The following GALNTL6 variants were observed in gnomAD, a reference collection of about 807,000 sequenced individuals.
GALNTL6 encodes the protein polypeptide N-acetylgalactosaminyltransferase like 6.
In GALNTL6, 46 loss-of-function variants were observed where a neutral mutation model predicts 73.7. The ratio of observed to expected loss-of-function variants is 0.62; its 90% CI spans 0.49 to 0.80. The LOEUF (loss-of-function observed/expected upper bound fraction) is 0.80, where lower values mean the gene tolerates loss of function less well. GALNTL6 is among the 30% of genes least tolerant of loss of function. The probability of loss-of-function intolerance (pLI) is 0.00; values close to 1 mark genes in which losing one functional copy is unlikely to be tolerated. For missense variants in GALNTL6, 604 were observed against 755.0 expected, an observed-to-expected ratio of 0.80 and a Z score of 2.34; for synonymous variants, 259 against 263.7, an observed-to-expected ratio of 0.98 and a Z score of 0.17.
At chr4:172,243,026 T>C (rs1006857427) in intron 3 of GALNTL6, among the ~76,000 whole-genome samples, 3 of 152,234 alleles carry the variant, frequency 2.0e-5, no homozygotes, top group African/African-American at 7.2e-5. Context: ...CAAAAATAAA[T>C]CCAACTTTAT....
chr4:172,640,817 A>G (rs373720537), intron 5 of GALNTL6, among the ~76,000 whole-genome samples: 1 of 152,084 alleles, frequency 6.6e-6, no homozygotes, highest in African/African-American at 2.4e-5. Context: ...TTTGGGGAAG[A>G]CACAATTCAG....
At chr4:172,909,435 C>T (rs185696850) in intron 8 of GALNTL6, among the ~76,000 whole-genome samples, 11 of 151,718 alleles carry the variant, frequency 7.3e-5, no homozygotes, top group African/African-American at 2.2e-4. Flanking sequence ...TCATAAATAA[C>T]GATCTCTCAT....
chr4:172,831,090 G>A (rs973526241), intron 7 of GALNTL6, among the ~76,000 whole-genome samples: 3 of 140,820 alleles, frequency 2.1e-5, no homozygotes, highest in East Asian at 2.2e-4. Context: ...CCCAGGAGGC[G>A]GAGGTTGCAG....
At chr4:172,174,324 G>A (rs1026641835) in intron 2 of GALNTL6, among the ~76,000 whole-genome samples, 3 of 152,090 alleles carry the variant, frequency 2.0e-5, no homozygotes, top group Admixed American at 6.5e-5. Flanking sequence ...TATGTATAGC[G>A]GTGTCATTTA....
intron 2 of GALNTL6, among the ~76,000 whole-genome samples, chr4:171,907,798 T>C (rs1180772999): frequency 6.6e-6 from 1 of 151,482 alleles, no homozygotes; most frequent in African/African-American, 2.4e-5. Flanking sequence ...AAAACAGAGA[T>C]ATAGATCAAT....
intron 2 of GALNTL6, among the ~76,000 whole-genome samples, chr4:171,844,132 C>A (rs868563789): frequency 4.1e-4 from 62 of 152,222 alleles, no homozygotes; most frequent in Middle Eastern, 6.8e-3. Flanking sequence ...ATTAATATTT[C>A]TTAATGTTAC....
At chr4:172,489,416 G>T (rs537347778) in intron 5 of GALNTL6, among the ~76,000 whole-genome samples, 1 of 152,152 alleles carries the variant, frequency 6.6e-6, no homozygotes, top group Non-Finnish European at 1.5e-5. Context: ...ATTGATTTAC[G>T]CATGTGTATG....
intron 7 of GALNTL6, among the ~76,000 whole-genome samples, chr4:172,822,208 G>A (rs1238126907): frequency 1.3e-5 from 2 of 152,116 alleles, no homozygotes; most frequent in Non-Finnish European, 2.9e-5. Flanking sequence ...CTTTTCTTCA[G>A]TTTGTCTTGG....
intron 5 of GALNTL6, among the ~76,000 whole-genome samples, chr4:172,429,857 A>G (rs1283058586): frequency 1.3e-5 from 2 of 152,180 alleles, no homozygotes; most frequent in Admixed American, 1.3e-4. Flanking sequence ...TTTAAAATGT[A>G]TGATGAATAA....
chr4:172,629,156 T>C (rs1400665063), intron 5 of GALNTL6, among the ~76,000 whole-genome samples: 2 of 152,200 alleles, frequency 1.3e-5, no homozygotes, highest in African/African-American at 4.8e-5. Context: ...TTTGTGTATG[T>C]CTCTGTGTGT....
chr4:172,102,202 C>T (rs1732538719), intron 2 of GALNTL6, among the ~76,000 whole-genome samples: 5 of 152,186 alleles, frequency 3.3e-5, no homozygotes, highest in Admixed American at 2.0e-4. Context: ...TAAATTTATT[C>T]GAATGTAATT....
At chr4:173,027,673 T>C (rs1359922274) in intron 12 of GALNTL6, among the ~76,000 whole-genome samples, 1 of 152,228 alleles carries the variant, frequency 6.6e-6, no homozygotes, top group African/African-American at 2.4e-5. Context: ...ATCATGTTTT[T>C]CAACCTTTTA....
chr4:172,018,808 T>C (rs748454576), intron 2 of GALNTL6, among the ~76,000 whole-genome samples: 22 of 152,152 alleles, frequency 1.4e-4, no homozygotes, highest in Non-Finnish European at 4.4e-5. Flanking sequence ...TTTCACCCTG[T>C]GACCCCTACT....
At chr4:173,039,002 A>C (rs1294676532) in intron 12 of GALNTL6, among the ~76,000 whole-genome samples, 2 of 152,188 alleles carry the variant, frequency 1.3e-5, no homozygotes, top group African/African-American at 2.4e-5. Flanking sequence ...TAGAGGTAAA[A>C]TTTATTACTA....
chr4:172,411,054 A>G (rs965340379), intron 5 of GALNTL6, among the ~76,000 whole-genome samples: 1 of 152,142 alleles, frequency 6.6e-6, no homozygotes, highest in Non-Finnish European at 1.5e-5. Flanking sequence ...TTTCTGATTA[A>G]ATGAACTATG....
In GALNTL6 at chr4:172,571,817, A is replaced by G. The variant is rs75636612; in HGVS notation, c.553+223128A>G. On this transcript the variant is annotated intron_variant, in intron 5 of 12. Coordinates refer to ENST00000506823, the MANE Select transcript of GALNTL6 (RefSeq NM_001034845.3). ...TTCTAATAACATGTTTTCATGGCCTATTTCTCCGAAGCCATGCCCCAGGCA... is the reference window on the plus strand; with the variant it reads ...TTCTAATAACATGTTTTCATGGCCTGTTTCTCCGAAGCCATGCCCCAGGCA... 7.1e-3 allele frequency among the ~76,000 whole-genome samples: 1,074 copies of G among 152,228 alleles called. 6 individuals are homozygous for G. Among genetic ancestry groups the G allele is most frequent in the African/African-American group, 0.024 (989 of 41,530 alleles).
chr4:172,353,005 G>A (rs1283660311), intron 5 of GALNTL6, among the ~76,000 whole-genome samples: 1 of 152,034 alleles, frequency 6.6e-6, no homozygotes, highest in Non-Finnish European at 1.5e-5. Context: ...GTGGTGCATG[G>A]ACCAGCAGCA....
chr4:172,597,552 A>G lies in GALNTL6; in HGVS notation c.554-211809A>G, dbSNP rs539300086. On this transcript the variant is annotated intron_variant, in intron 5 of 12. Coordinates refer to ENST00000506823, the MANE Select transcript of GALNTL6 (RefSeq NM_001034845.3). ...TTTGCTGTGGGGAGAGGTATGTAAC[A>G]ATTACAGTAAATGCTAGAGTTTGAG... Among the ~76,000 whole-genome samples the G allele has an allele frequency of 1.8e-4, 27 of 152,304 alleles. 1 individual carries two copies. In the South Asian group the frequency reaches 5.6e-3, roughly 32 times the overall value.
intron 9 of GALNTL6, among the ~76,000 whole-genome samples, chr4:172,932,602 CTT>C (rs569166828): frequency 9.7e-4 from 147 of 152,232 alleles, no homozygotes; most frequent in Non-Finnish European, 1.8e-3. Context: ...GACCAAGAGT[CTT>C]TCAGATTTCA....
Sources: gnomAD v4.1 joint callset for allele counts (sites outside exome capture counted in the v4.1 genomes callset) on GRCh38, gnomAD v4.1.1 for gene constraint, MANE v1.5 for transcripts, NCBI Gene and HGNC (gene_info 2026-07-23, HGNC 2026-07-21) for gene names.